The following CCSER1 variants were observed in gnomAD, a reference collection of about 807,000 sequenced individuals.
CCSER1 encodes serine-rich coiled-coil domain-containing protein 1.
Under a neutral mutation model 82.0 loss-of-function variants are expected in CCSER1, and 41 were observed. That is an observed-to-expected ratio of 0.50 (90% CI 0.39 to 0.65). The LOEUF (loss-of-function observed/expected upper bound fraction) is 0.65, where lower values mean the gene tolerates loss of function less well. Ranked by LOEUF, CCSER1 falls within the 30% of genes least tolerant of loss-of-function variation. The pLI is 0.00. For synonymous variants in CCSER1, 414 were observed against 383.9 expected (o/e 1.08, Z -0.92); for missense variants, 1,119 against 1,064.2 (o/e 1.05, Z -0.72).
intron 6 of CCSER1, among the ~76,000 whole-genome samples, chr4:90,647,645 A>G (rs1364688245): frequency 6.6e-6 from 1 of 152,224 alleles, no homozygotes; most frequent in Non-Finnish European, 1.5e-5. Context: ...TTAAAAAAAT[A>G]GTAGTGTACT....
At chr4:90,177,489 A>T (rs1732923993) in intron 1 of CCSER1, among the ~76,000 whole-genome samples, 2 of 152,092 alleles carry the variant, frequency 1.3e-5, no homozygotes, top group Admixed American at 1.3e-4. Context: ...TGTGGGGAAT[A>T]CTATTGATGG....
intron 10 of CCSER1, among the ~76,000 whole-genome samples, chr4:91,371,877 G>T (rs1031110175): frequency 6.6e-6 from 1 of 151,972 alleles, no homozygotes; most frequent in Non-Finnish European, 1.5e-5. Flanking sequence ...TGAGCTTTCT[G>T]ATCCCAAGAC....
At chr4:90,829,718 A>G (rs1760899084) in intron 8 of CCSER1, among the ~76,000 whole-genome samples, 1 of 152,214 alleles carries the variant, frequency 6.6e-6, no homozygotes, top group Admixed American at 6.5e-5. Flanking sequence ...GCACACCTGA[A>G]GGTCTGCGAG....
chr4:91,514,095 G>A (rs999833670), intron 10 of CCSER1, among the ~76,000 whole-genome samples: 1 of 152,078 alleles, frequency 6.6e-6, no homozygotes, highest in Admixed American at 6.6e-5. Context: ...GGCATTTAGT[G>A]CTATAAACTT....
At chr4:91,182,170 C>A (rs1734096820) in intron 10 of CCSER1, among the ~76,000 whole-genome samples, 1 of 152,160 alleles carries the variant, frequency 6.6e-6, no homozygotes, top group Admixed American at 6.5e-5. Flanking sequence ...CAACATGCTG[C>A]AACCGAAGGG....
intron 10 of CCSER1, among the ~76,000 whole-genome samples, chr4:91,096,459 C>T (rs1165840544): frequency 6.6e-6 from 1 of 152,178 alleles, no homozygotes; most frequent in Non-Finnish European, 1.5e-5. Flanking sequence ...ACTGCTGCTG[C>T]CTGTCCCCTT....
At chr4:91,595,119 C>A (rs1460487891) in intron 10 of CCSER1, among the ~76,000 whole-genome samples, 1 of 151,960 alleles carries the variant, frequency 6.6e-6, no homozygotes, top group Non-Finnish European at 1.5e-5. Context: ...CTGCCAATGT[C>A]CAATAACTGG....
intron 1 of CCSER1, among the ~76,000 whole-genome samples, chr4:90,216,372 A>G (rs542823127): frequency 6.6e-6 from 1 of 152,316 alleles, no homozygotes; most frequent in African/African-American, 2.4e-5. Flanking sequence ...TTCTCCCTAC[A>G]GCTGGAGTTC....
At chr4:90,835,439 A>T (rs577118244) in intron 8 of CCSER1, among the ~76,000 whole-genome samples, 1 of 152,164 alleles carries the variant, frequency 6.6e-6, no homozygotes, top group Non-Finnish European at 1.5e-5. Context: ...ATGCTATTGG[A>T]CGTATTTGCC....
At chr4:90,720,788 T>C (rs1337839280) in intron 6 of CCSER1, among the ~76,000 whole-genome samples, 2 of 152,052 alleles carry the variant, frequency 1.3e-5, no homozygotes, top group African/African-American at 4.8e-5. Flanking sequence ...TACATGTTTG[T>C]ATTTATCAAT....
At chr4:91,540,740 C>G (rs1382440228) in intron 10 of CCSER1, among the ~76,000 whole-genome samples, 1 of 152,088 alleles carries the variant, frequency 6.6e-6, no homozygotes, top group Non-Finnish European at 1.5e-5. Flanking sequence ...AGATCTGTAT[C>G]TAAATTTATT....
At chr4:90,769,710 A>G (rs1033937390) in intron 7 of CCSER1, among the ~76,000 whole-genome samples, 1 of 152,208 alleles carries the variant, frequency 6.6e-6, no homozygotes, top group African/African-American at 2.4e-5. Context: ...ATGGAACTAG[A>G]CCTGAAGTGT....
intron 10 of CCSER1, among the ~76,000 whole-genome samples, chr4:91,151,174 A>C (rs1730151852): frequency 6.6e-6 from 1 of 152,110 alleles, no homozygotes; most frequent in Non-Finnish European, 1.5e-5. Context: ...TCAGGGATTC[A>C]ACTTCTTCCT....
chr4:90,608,473 C>T (rs1785024643), intron 5 of CCSER1, among the ~76,000 whole-genome samples: 1 of 152,138 alleles, frequency 6.6e-6, no homozygotes, highest in South Asian at 2.1e-4. Context: ...TCAAGCTAAG[C>T]ACACGATATC....
chr4:91,039,397 G>T (rs1741728400), intron 9 of CCSER1, among the ~76,000 whole-genome samples: 1 of 152,046 alleles, frequency 6.6e-6, no homozygotes, highest in Non-Finnish European at 1.5e-5. Context: ...AAAAGTTATA[G>T]TAGTATACAA....
intron 5 of CCSER1, among the ~76,000 whole-genome samples, chr4:90,496,060 T>C (rs1340145509): frequency 7.9e-5 from 12 of 152,020 alleles, no homozygotes; most frequent in Non-Finnish European, 1.6e-4. Context: ...GAACAAACAT[T>C]ACTTATTTAA....
chr4:91,110,693 T>C (rs1416637425), intron 10 of CCSER1, among the ~76,000 whole-genome samples: 2 of 152,072 alleles, frequency 1.3e-5, no homozygotes, highest in East Asian at 3.8e-4. Flanking sequence ...ATTCAACTTA[T>C]ATTCATAAAA....
At chr4:91,185,700 C>T (rs1035661250) in intron 10 of CCSER1, among the ~76,000 whole-genome samples, 5 of 152,184 alleles carry the variant, frequency 3.3e-5, no homozygotes, top group Non-Finnish European at 7.3e-5. Context: ...TTTTCCTTTT[C>T]TACATTTTGG....
chr4:90,857,736 C>G (rs1159292211), intron 8 of CCSER1, among the ~76,000 whole-genome samples: 1 of 151,858 alleles, frequency 6.6e-6, no homozygotes, highest in South Asian at 2.1e-4. Context: ...TGAAGAACAA[C>G]AGGAGAAATG....
Sources: allele counts gnomAD v4.1 joint callset (sites outside exome capture counted in the v4.1 genomes callset), GRCh38; gene constraint gnomAD v4.1.1; transcripts MANE v1.5; gene names NCBI Gene and HGNC (gene_info 2026-07-23, HGNC 2026-07-21).